Variants in NDUFA9 observed in about 807,000 individuals in gnomAD.
NDUFA9 encodes the protein NADH dehydrogenase [ubiquinone] 1 alpha subcomplex subunit 9, mitochondrial.
A neutral mutation model predicts 45.9 loss-of-function variants in NDUFA9; 23 were observed. That is an observed-to-expected ratio of 0.50 (90% CI 0.36 to 0.71). NDUFA9 has a LOEUF of 0.71. Ranked by LOEUF, NDUFA9 falls within the 30% of genes least tolerant of loss-of-function variation. The pLI is 0.00. For synonymous variants in NDUFA9, 176 were observed against 170.5 expected (o/e 1.03, Z -0.25); for missense variants, 466 against 488.2 (o/e 0.95, Z 0.43).
Position 4,686,833 on chromosome 12 carries a change from C to T in NDUFA9, c.964-105C>T, listed in dbSNP as rs960751591. The T allele has an allele frequency of 3.9e-5, 42 of 1,084,994 alleles. No homozygotes were observed. In the African/African-American group the frequency reaches 5.7e-4, roughly 15 times the overall value. The allele number at this position is 1,084,994 out of a possible 1,614,324, so 67.2% of individuals were successfully genotyped here. ...ATATTCTTTGAAAGCAATTAAGTCT[C>T]AATAATAGGACTCATGCCAGCTTGA... On this transcript the variant is annotated intron_variant, in intron 10 of 10. Coordinates refer to ENST00000266544, the MANE Select transcript of NDUFA9 (RefSeq NM_005002.5).
intron 1 of NDUFA9, 99 bp from the exon 2 acceptor site, chr12:4,654,193 A>C: frequency 8.3e-7 from 1 of 1,206,392 alleles, no homozygotes; most frequent in South Asian, 1.5e-5. Flanking sequence ...CTGATTGCAA[A>C]ATAATGTTAC....
At chr12:4,677,529 A>G (rs1734331723) in intron 8 of NDUFA9, among the ~76,000 whole-genome samples, 1 of 152,262 alleles carries the variant, frequency 6.6e-6, no homozygotes, top group African/African-American at 2.4e-5. Context: ...ATGCAGCTCA[A>G]CAAACATATG....
chr12:4,680,850 G>A (rs1260300552), intron 8 of NDUFA9, among the ~76,000 whole-genome samples: 1 of 152,132 alleles, frequency 6.6e-6, no homozygotes, highest in Non-Finnish European at 1.5e-5. Context: ...ATTAGGAAAT[G>A]GGTAAAGAAA....
intron 9 of NDUFA9, among the ~76,000 whole-genome samples, chr12:4,682,568 A>G (rs1245102189): frequency 6.6e-6 from 1 of 152,192 alleles, no homozygotes; most frequent in Admixed American, 6.5e-5. Flanking sequence ...CCAATTTAAA[A>G]CCATCGAGTT....
Position 4,653,995 on chromosome 12 carries a change from C to G in NDUFA9, c.50-297C>G, listed in dbSNP as rs925527475. On this transcript the variant is annotated intron_variant, in intron 1 of 10. Coordinates refer to ENST00000266544, the MANE Select transcript of NDUFA9 (RefSeq NM_005002.5). ...GCTCATTTATTACATATTCTCAGTT[C>G]CTTTTACCGTATAGGCTTATGCTTT... Among the ~76,000 whole-genome samples, 5 of 151,920 alleles carry G rather than the reference C, an allele frequency of 3.3e-5. No individual in the cohort carries two copies. In the East Asian group the frequency reaches 7.7e-4, roughly 23 times the overall value.
Position 4,693,407 on chromosome 12 carries a change from A to G in NDUFA9, c.*6299A>G, listed in dbSNP as rs1189104018. 6.6e-6 allele frequency: 1 copy of G among 152,200 alleles called. No homozygotes were observed. The highest frequency in any genetic ancestry group is 1.5e-5 in the Non-Finnish European group (1 of 68,038). 9.4% of individuals were successfully genotyped at this position (152,200 alleles called of 1,614,324 possible). A position where few individuals can be genotyped will look rare whatever the true frequency, so the allele number is the denominator to read the frequency against. The stretch of plus-strand genomic sequence containing the variant: ...AAGCGTTAAATTTCCTCTCTGCCCC[A>G]CAGCTGGGATCCAAGAAGACCCTGT... On this transcript the variant is annotated 3_prime_UTR_variant, in exon 11 of 11. Coordinates refer to ENST00000266544, the MANE Select transcript of NDUFA9 (RefSeq NM_005002.5).
chr12:4,658,292 A>G (rs1260613727), intron 4 of NDUFA9, among the ~76,000 whole-genome samples: 2 of 152,312 alleles, frequency 1.3e-5, no homozygotes, highest in East Asian at 3.9e-4. Context: ...TAATGTTTCA[A>G]TCCTATAGTC....
chr12:4,655,669 T>G (rs1028189835), intron 3 of NDUFA9: 1 of 152,250 alleles, frequency 6.6e-6, no homozygotes, highest in African/African-American at 2.4e-5. Flanking sequence ...CTTGGTTGTT[T>G]AGTATAGATT....
intron 10 of NDUFA9, 122 bp downstream of exon 10, chr12:4,685,447 GC>G: frequency 2.3e-6 from 2 of 882,550 alleles, no homozygotes; most frequent in Non-Finnish European, 1.8e-6. Flanking sequence ...TCTGCAGTCA[GC>G]CCCTCTACTA....
chr12:4,689,114 T>G lies in NDUFA9; in HGVS notation c.*2006T>G, dbSNP rs1392764923. Reference sequence around the variant, plus strand: ...ACCTTTATGCTAGTAACATTCAAATTACTCTCTTCTAGCTATTTTGAAATG... The same window carrying G: ...ACCTTTATGCTAGTAACATTCAAATGACTCTCTTCTAGCTATTTTGAAATG... On this transcript the variant is annotated 3_prime_UTR_variant, in exon 11 of 11. Transcript: ENST00000266544. 6.6e-6 allele frequency: 1 copy of G among 152,214 alleles called. No homozygotes were observed. The highest frequency in any genetic ancestry group is 2.4e-5 in the African/African-American group (1 of 41,450). The allele number at this position is 152,214 out of a possible 1,614,324, so 9.4% of individuals were successfully genotyped here. A position where few individuals can be genotyped will look rare whatever the true frequency, so the allele number is the denominator to read the frequency against.
intron 4 of NDUFA9, among the ~76,000 whole-genome samples, chr12:4,658,761 T>C (rs1181082160): frequency 2.0e-5 from 3 of 152,154 alleles, no homozygotes; most frequent in Non-Finnish European, 2.9e-5. Flanking sequence ...TTTTTTTTCT[T>C]TTTTTAGAAA....
intron 8 of NDUFA9, among the ~76,000 whole-genome samples, chr12:4,676,314 T>G (rs917859538): frequency 6.6e-6 from 1 of 152,114 alleles, no homozygotes; most frequent in African/African-American, 2.4e-5. Flanking sequence ...GAGAAAGAAA[T>G]AAAGGGTATT....
At chr12:4,670,752 C>T (rs1405446172) in intron 8 of NDUFA9, among the ~76,000 whole-genome samples, 1 of 152,264 alleles carries the variant, frequency 6.6e-6, no homozygotes, top group East Asian at 1.9e-4. Context: ...GGTACATTAG[C>T]ATGCAATCAG....
chr12:4,663,383 T>C (rs2267550), intron 6 of NDUFA9, among the ~76,000 whole-genome samples: 29,521 of 152,142 alleles, frequency 0.19, 3,273 homozygotes, highest in East Asian at 0.45. Context: ...AATTCGTATG[T>C]TGAAGCCTTA....
In NDUFA9 at chr12:4,686,873, G is replaced by A. The variant is rs763380705; in HGVS notation, c.964-65G>A. 5 of 1,488,306 alleles carry A rather than the reference G, an allele frequency of 3.4e-6. No individual in the cohort carries two copies. The East Asian group carries it at 1.2e-4, about 35-fold the overall frequency. The allele number at this position is 1,488,306 out of a possible 1,614,324, so 92.2% of individuals were successfully genotyped here. ...TGCCAGCTTGAATGTTTAAGTGCCT[G>A]CTAGGATAGCACTTTGTTCTCAGCC... is the stretch of plus-strand genomic sequence containing the variant. On this transcript the variant is annotated intron_variant, in intron 10 of 10. Coordinates refer to ENST00000266544, the MANE Select transcript of NDUFA9 (RefSeq NM_005002.5).
intron 8 of NDUFA9, among the ~76,000 whole-genome samples, chr12:4,680,320 G>C (rs1260623160): frequency 1.3e-5 from 2 of 152,222 alleles, no homozygotes; most frequent in Non-Finnish European, 2.9e-5. Context: ...CAGGCTCAGA[G>C]AAGGCACATG....
At chr12:4,651,559 A>G (rs2159351) in intron 1 of NDUFA9, among the ~76,000 whole-genome samples, 72,790 of 151,972 alleles carry the variant, frequency 0.48, 18,328 homozygotes, top group Admixed American at 0.55. Flanking sequence ...CTTCTGAGAA[A>G]TTTCAAAGTA....
intron 10 of NDUFA9, 42 bp from the exon 11 acceptor site, chr12:4,686,896 G>C (rs375099227): frequency 6.3e-7 from 1 of 1,590,428 alleles, no homozygotes; most frequent in African/African-American, 1.3e-5. Context: ...TTTGTTCTCA[G>C]CCAGTTTTCA....
At chr12:4,674,322 T>A (rs1945905850) in intron 8 of NDUFA9, among the ~76,000 whole-genome samples, 1 of 152,160 alleles carries the variant, frequency 6.6e-6, no homozygotes, top group African/African-American at 2.4e-5. Flanking sequence ...ATAACAATAT[T>A]AACCTTAAAT....
Sources: allele counts gnomAD v4.1 joint callset (sites outside exome capture counted in the v4.1 genomes callset), GRCh38; gene constraint gnomAD v4.1.1; transcripts MANE v1.5; gene names NCBI Gene and HGNC (gene_info 2026-07-23, HGNC 2026-07-21).